The following NAAA variants were observed in gnomAD, a reference collection of about 807,000 sequenced individuals.
NAAA encodes N-acylethanolamine acid amidase, also known as N-acylethanolamine-hydrolyzing acid amidase.
NAAA carries 39 observed loss-of-function variants against 44.8 expected under a neutral mutation model. The observed-to-expected ratio is 0.87, with a 90% CI of 0.67 to 1.14. NAAA has a LOEUF of 1.14. Among genes scored for constraint, NAAA ranks in the 50% most tolerant of loss-of-function variants. The pLI is 0.00. For missense variants in NAAA, 460 were observed against 467.8 expected (o/e 0.98, Z 0.15); for synonymous variants, 178 against 191.3 (o/e 0.93, Z 0.58).
chr4:75,913,452 G>A (rs1248121869), downstream of NAAA, among the ~76,000 whole-genome samples: 4 of 151,804 alleles, frequency 2.6e-5, no homozygotes, highest in Non-Finnish European at 5.9e-5. Flanking sequence ...GCACATTTTC[G>A]TTTACACTTT....
At position 75,940,799 on chromosome 4, in the gene NAAA, C is replaced by T. The variant is rs1308006858; in HGVS notation, c.151G>A (p.Val51Met). Residue 51 changes from valine to methionine, a missense_variant, in exon 1 of 11, where the codon GTG becomes ATG. Transcript: ENST00000286733. ...AAGTCCAAGTCGTAGTGCCGCAGCACGGGCAGCCAGCGCAGCTCGGGGACC... is the reference window on the plus strand; with the variant it reads ...AAGTCCAAGTCGTAGTGCCGCAGCATGGGCAGCCAGCGCAGCTCGGGGACC... The part of the protein sequence containing the change: ...DSVPELRWLP[V>M]LRHYDLDLVR... 5 of 1,598,724 alleles carry T rather than the reference C, an allele frequency of 3.1e-6. No homozygotes were observed. The highest frequency in any genetic ancestry group is 3.3e-4 in the Middle Eastern group (2 of 6,056).
At chr4:75,939,892 G>A (rs1191819356) in intron 2 of NAAA, 109 bp downstream of exon 2, 9 of 1,306,632 alleles carry the variant, frequency 6.9e-6, no homozygotes, top group African/African-American at 1.5e-5. Context: ...TTCTAGGCAA[G>A]CAGGCACCGC....
At chr4:75,939,878 A>G in intron 2 of NAAA, 123 bp downstream of exon 2, 4 of 1,104,298 alleles carry the variant, frequency 3.6e-6, no homozygotes, top group Non-Finnish European at 3.9e-6. Flanking sequence ...GAAGCGCTGG[A>G]GGTTTCTAGG....
At chr4:75,921,791 A>G (rs1726193055) in intron 5 of NAAA, among the ~76,000 whole-genome samples, 1 of 152,188 alleles carries the variant, frequency 6.6e-6, no homozygotes, top group African/African-American at 2.4e-5. Flanking sequence ...TCGATGGACT[A>G]GACTGGCAAA....
chr4:75,935,994 G>A (rs1578084503), intron 3 of NAAA, 115 bp downstream of exon 3: 6 of 1,226,910 alleles, frequency 4.9e-6, no homozygotes. Context: ...CCAGGGGTGT[G>A]ATTTTTTTGT....
At chr4:75,940,714 C>T (rs1255599650) in intron 1 of NAAA, 30 bp downstream of exon 1, 10 of 1,582,612 alleles carry the variant, frequency 6.3e-6, no homozygotes, top group African/African-American at 1.4e-5. Context: ...GCCGGTGTCC[C>T]CGCAGACCCC....
chr4:75,916,133 G>T (rs959173250), intron 9 of NAAA, among the ~76,000 whole-genome samples: 2 of 152,244 alleles, frequency 1.3e-5, no homozygotes, highest in African/African-American at 2.4e-5. Context: ...AGCCACAGCA[G>T]AGGATGGAGA....
At chr4:75,913,586 T>C (rs932937622), downstream of NAAA, 22 of 738,282 alleles carry the variant, frequency 3.0e-5, no homozygotes, top group South Asian at 1.2e-4. Context: ...ACTAAGAGAG[T>C]TGCTTTCTCA....
chr4:75,936,018 AAC>A (rs1208471538), intron 3 of NAAA, 89 bp downstream of exon 3: 1 of 1,499,866 alleles, frequency 6.7e-7, no homozygotes, highest in Non-Finnish European at 9.2e-7. Context: ...TTACACTGAT[AAC>A]ACACTTAAGT....
At chr4:75,920,166 G>A (rs769174435) in intron 7 of NAAA, among the ~76,000 whole-genome samples, 191 bp from the exon 8 acceptor site, 17 of 152,302 alleles carry the variant, frequency 1.1e-4, no homozygotes, top group South Asian at 6.2e-4. Flanking sequence ...CAGCTGGGAC[G>A]GTTGGCACCA....
intron 9 of NAAA, among the ~76,000 whole-genome samples, chr4:75,918,408 T>C (rs1341703401): frequency 6.6e-6 from 1 of 152,002 alleles, no homozygotes; most frequent in Non-Finnish European, 1.5e-5. Flanking sequence ...TGAGCCGAGA[T>C]TGCGCCACTG....
At chr4:75,918,642 G>A (rs895583247) in intron 9 of NAAA, 119 bp downstream of exon 9, 12 of 1,002,456 alleles carry the variant, frequency 1.2e-5, no homozygotes, top group African/African-American at 3.2e-5. Flanking sequence ...TGCCCCCACA[G>A]GAGTGCCCCC....
In NAAA at chr4:75,940,084, G is replaced by A. The variant is rs1728110694; in HGVS notation, c.288C>T (p.Thr96=). The change falls in exon 2 of 11, where the codon ACC becomes ACT. Residue 96 remains threonine, a synonymous_variant. Coordinates refer to ENST00000286733, the MANE Select transcript of NAAA (RefSeq NM_014435.4). ...ELERFLPQPF[T]GEIRGMCDFM... ...AGTCACACATGCCGCGGATCTCGCC[G>A]GTGAAGGGCTGGGGCAGGAAGCGCT... 1.2e-6 allele frequency: 2 copies of A among 1,614,072 alleles called. No individual in the cohort carries two copies. The highest frequency in any genetic ancestry group is 1.7e-6 in the Non-Finnish European group (2 of 1,179,982).
At chr4:75,921,783 G>T (rs547856225) in intron 5 of NAAA, among the ~76,000 whole-genome samples, 12 of 152,146 alleles carry the variant, frequency 7.9e-5, no homozygotes, top group African/African-American at 1.2e-4. Context: ...GTTCTAGTTC[G>T]ATGGACTAGA....
intron 1 of NAAA, 160 bp from the exon 2 acceptor site, chr4:75,940,325 G>T: frequency 1.7e-6 from 1 of 575,760 alleles, no homozygotes; most frequent in Non-Finnish European, 2.8e-6. Flanking sequence ...TCAATCTGCA[G>T]CCTCCCGGGA....
chr4:75,921,825 G>A (rs529045705), intron 5 of NAAA, among the ~76,000 whole-genome samples: 2 of 152,320 alleles, frequency 1.3e-5, no homozygotes, highest in South Asian at 4.1e-4. Flanking sequence ...AAGAGCATGC[G>A]CTACATTAGC....
chr4:75,925,852 T>C (rs374192195), intron 4 of NAAA, 41 bp from the exon 5 acceptor site: 246 of 1,560,586 alleles, frequency 1.6e-4, no homozygotes, highest in Non-Finnish European at 2.1e-4. Flanking sequence ...TGTGTGTATA[T>C]ATGTACACAC....
chr4:75,914,153 A>C lies in NAAA; in HGVS notation c.*222T>G, dbSNP rs901659114. Reference sequence around the variant, plus strand: ...AGGATCGAGGCAAACCATGAAGGGAAGGGAATGCAGGACAATGCCCATTAC... The same window carrying C: ...AGGATCGAGGCAAACCATGAAGGGACGGGAATGCAGGACAATGCCCATTAC... On this transcript the variant is annotated 3_prime_UTR_variant, in exon 11 of 11. Transcript: ENST00000286733. 10 of 985,668 alleles carry C rather than the reference A, an allele frequency of 1.0e-5. No individual in the cohort carries two copies. The highest frequency in any genetic ancestry group is 1.1e-5 in the Non-Finnish European group (9 of 829,960). The allele number at this position is 985,668 out of a possible 1,614,324, so 61.1% of individuals were successfully genotyped here. A position where few individuals can be genotyped will look rare whatever the true frequency, so the allele number is the denominator to read the frequency against.
At position 75,914,863 on chromosome 4, in the gene NAAA, C is replaced by G; in HGVS notation, c.*36+5G>C. Reference sequence around the variant, plus strand: ...CCCCCTCTCCACAAAACAGTAACAACAAACCTTTCACAGCACGGGCGAACT... The same window carrying G: ...CCCCCTCTCCACAAAACAGTAACAAGAAACCTTTCACAGCACGGGCGAACT... On this transcript the variant is annotated splice_donor_5th_base_variant and intron_variant, in intron 10 of 10. Transcript: ENST00000286733. 6.2e-7 allele frequency: 1 copy of G among 1,609,002 alleles called. No individual in the cohort carries two copies. Among genetic ancestry groups the G allele is most frequent in the Non-Finnish European group, 8.5e-7 (1 of 1,175,700 alleles).
Sources: allele counts gnomAD v4.1 joint callset (sites outside exome capture counted in the v4.1 genomes callset), GRCh38; gene constraint gnomAD v4.1.1; transcripts MANE v1.5; gene names NCBI Gene and HGNC (gene_info 2026-07-23, HGNC 2026-07-21).